Variants in FCN2 observed in about 807,000 individuals in gnomAD.
The protein encoded by FCN2 is ficolin 2.
A neutral mutation model predicts 32.5 loss-of-function variants in FCN2; 31 were observed. The ratio of observed to expected loss-of-function variants is 0.96; its 90% CI spans 0.72 to 1.29. The LOEUF is 1.29. FCN2 is among the 50% of genes most tolerant of loss of function. The probability of loss-of-function intolerance (pLI) is 0.00; values close to 1 mark genes in which losing one functional copy is unlikely to be tolerated. For synonymous variants in FCN2, 181 were observed against 164.5 expected (o/e 1.10, Z -0.77); for missense variants, 412 against 406.5 (o/e 1.01, Z -0.12).
the FCN2 span, among the ~76,000 whole-genome samples, chr9:134,871,081 A>C: frequency 1.3e-5 from 2 of 152,076 alleles, no homozygotes; most frequent in African/African-American, 4.8e-5. Context: ...CCTTGTACTT[A>C]TTGATTGATT....
rs1270441202 is a variant in FCN2, at chr9:134,883,092, C to G, written c.215-210C>G. Reference sequence around the variant, plus strand: ...GTCTCTGGATTTCCAGCTCCCGGCCCCTGAGTGAACAGGAGAGCCCCGTGA... The same window carrying G: ...GTCTCTGGATTTCCAGCTCCCGGCCGCTGAGTGAACAGGAGAGCCCCGTGA... On this transcript the variant is annotated intron_variant, in intron 2 of 7. Transcript: ENST00000291744. Among the ~76,000 whole-genome samples, 9 of 152,314 alleles carry G rather than the reference C, an allele frequency of 5.9e-5. No individual in the cohort carries two copies. In the East Asian group the frequency reaches 1.4e-3, roughly 23 times the overall value.
the FCN2 span, among the ~76,000 whole-genome samples, chr9:134,873,704 C>A: frequency 3.9e-5 from 6 of 152,204 alleles, no homozygotes; most frequent in Non-Finnish European, 7.3e-5. Flanking sequence ...GCTGCCTATT[C>A]TCCTGACATT....
At chr9:134,881,502 C>T (rs1434306776) in intron 1 of FCN2, among the ~76,000 whole-genome samples, 1 of 152,166 alleles carries the variant, frequency 6.6e-6, no homozygotes, top group East Asian at 1.9e-4. Context: ...GGGTGCCAAA[C>T]CATGGGCTCC....
chr9:134,874,792 G>A, the FCN2 span, among the ~76,000 whole-genome samples: 1 of 152,122 alleles, frequency 6.6e-6, no homozygotes, highest in Non-Finnish European at 1.5e-5. Flanking sequence ...GATCAATTTG[G>A]GGAGAATAGG....
intron 6 of FCN2, 82 bp downstream of exon 6, chr9:134,885,979 C>A: frequency 7.0e-7 from 1 of 1,433,674 alleles, no homozygotes. Context: ...GCCTGGAACA[C>A]AAGAGCCTCT....
chr9:134,885,094 G>A, intron 4 of FCN2, 145 bp from the exon 5 acceptor site: 4 of 1,208,520 alleles, frequency 3.3e-6, no homozygotes, highest in Admixed American at 2.0e-5. Flanking sequence ...GGCCCTGGGG[G>A]CCGTGTCCCT....
the FCN2 span, among the ~76,000 whole-genome samples, chr9:134,872,218 G>A: frequency 6.6e-6 from 1 of 152,200 alleles, no homozygotes; most frequent in African/African-American, 2.4e-5. Context: ...CCACAGCTGT[G>A]TATCCATTCA....
chr9:134,878,434 G>T (rs1441038796), upstream of FCN2, among the ~76,000 whole-genome samples: 1 of 152,166 alleles, frequency 6.6e-6, no homozygotes, highest in Non-Finnish European at 1.5e-5. Context: ...GCCTGTGAGG[G>T]CTTTGGTTTT....
At chr9:134,877,560 T>C (rs7025696), upstream of FCN2, among the ~76,000 whole-genome samples, 3,396 of 152,312 alleles carry the variant, frequency 0.022, 126 homozygotes, top group African/African-American at 0.074. Context: ...TTAGAATTTG[T>C]AGTAAATCTC....
In FCN2 at chr9:134,885,757, C is replaced by G. The variant is rs1332355233; in HGVS notation, c.430-11C>G. ...GGCCCCCCCGGCTCCTGTCCCCTGG[C>G]TTCTCCACAGGTTTTCCAGCGGAGG... On this transcript the variant is annotated splice_polypyrimidine_tract_variant and intron_variant, in intron 5 of 7. Coordinates refer to ENST00000291744, the MANE Select transcript of FCN2 (RefSeq NM_004108.3). 3 of 1,614,018 alleles carry G rather than the reference C, an allele frequency of 1.9e-6. No homozygotes were observed. The highest frequency in any genetic ancestry group is 2.5e-6 in the Non-Finnish European group (3 of 1,179,960).
upstream of FCN2, among the ~76,000 whole-genome samples, chr9:134,879,603 C>A (rs1830635635): frequency 6.6e-6 from 1 of 152,154 alleles, no homozygotes; most frequent in African/African-American, 2.4e-5. Context: ...ATCCCTGGAC[C>A]TCATCTGCAT....
intron 1 of FCN2, among the ~76,000 whole-genome samples, chr9:134,881,436 GGT>G (rs1830662261): frequency 6.6e-6 from 1 of 152,168 alleles, no homozygotes; most frequent in Non-Finnish European, 1.5e-5. Flanking sequence ...GCACAATAAG[GGT>G]GGCATTGTCC....
In FCN2 at chr9:134,887,399, A is replaced by G. The variant is rs143889100; in HGVS notation, c.926A>G (p.Lys309Arg). The change falls in exon 8 of 8, where the codon AAG (lysine) becomes AGG (arginine). Residue 309 changes from lysine to arginine, a missense_variant. Transcript: ENST00000291744. ...TATAGCTACAAGGTGTCAGAGATGA[A>G]GGTGCGACCTGCCTAGCCCAGGCCG... ...YNYSYKVSEMKVRPA is the reference protein window; with the variant it reads ...YNYSYKVSEMRVRPA 334 of 1,614,008 alleles carry G rather than the reference A, an allele frequency of 2.1e-4. No homozygotes were observed. The highest frequency in any genetic ancestry group is 2.7e-4 in the Non-Finnish European group (319 of 1,179,938).
the FCN2 span, among the ~76,000 whole-genome samples, chr9:134,869,529 C>T: frequency 1.3e-5 from 2 of 152,180 alleles, no homozygotes; most frequent in East Asian, 1.9e-4. Context: ...CTCAGACCCC[C>T]GCAGGCTCCC....
At chr9:134,869,424 C>T in the FCN2 span, among the ~76,000 whole-genome samples, 7 of 152,312 alleles carry the variant, frequency 4.6e-5, no homozygotes, top group African/African-American at 1.7e-4. Flanking sequence ...TTCTGATCAG[C>T]CAAGTAGGCC....
chr9:134,876,903 T>C (rs1330722012), upstream of FCN2, among the ~76,000 whole-genome samples: 1 of 152,240 alleles, frequency 6.6e-6, no homozygotes, highest in Non-Finnish European at 1.5e-5. Flanking sequence ...TGAGTGACTT[T>C]GGTGGTTCAA....
intron 3 of FCN2, among the ~76,000 whole-genome samples, 195 bp downstream of exon 3, chr9:134,883,550 C>T (rs1376353996): frequency 3.0e-5 from 4 of 132,572 alleles, no homozygotes; most frequent in African/African-American, 1.2e-4. Flanking sequence ...TGTGTGGGTT[C>T]TCAGTCTGGG....
intron 7 of FCN2, 118 bp from the exon 8 acceptor site, chr9:134,887,050 G>A (rs1564209011): frequency 3.3e-6 from 4 of 1,217,000 alleles, no homozygotes; most frequent in East Asian, 4.6e-5. Context: ...ATTGTGCAGT[G>A]CACAACCTGC....
chr9:134,871,823 G>C, the FCN2 span, among the ~76,000 whole-genome samples: 1 of 152,174 alleles, frequency 6.6e-6, no homozygotes, highest in Non-Finnish European at 1.5e-5. Context: ...ACATGGCTTT[G>C]AAGTGCACAA....
Sources: allele counts gnomAD v4.1 joint callset (sites outside exome capture counted in the v4.1 genomes callset), GRCh38; gene constraint gnomAD v4.1.1; transcripts MANE v1.5; gene names NCBI Gene and HGNC (gene_info 2026-07-23, HGNC 2026-07-21).